The following CSNK2A1 variants were observed in gnomAD, a reference collection of about 807,000 sequenced individuals.
The protein encoded by CSNK2A1 is casein kinase 2 alpha 1, also known as casein kinase II subunit alpha.
In CSNK2A1, 10 loss-of-function variants were observed where a neutral mutation model predicts 62.9. That is an observed-to-expected ratio of 0.16 (90% CI 0.10 to 0.27). The LOEUF is 0.27. Among genes scored for constraint, CSNK2A1 ranks in the 10% least tolerant of loss-of-function variants. The pLI, the probability that CSNK2A1 is intolerant of heterozygous loss-of-function variation, is 1.00. For missense variants in CSNK2A1, 160 were observed against 492.0 expected, an observed-to-expected ratio of 0.33 and a Z score of 6.38; for synonymous variants, 124 against 167.8, an observed-to-expected ratio of 0.74 and a Z score of 2.02.
intron 2 of CSNK2A1, among the ~76,000 whole-genome samples, chr20:510,752 T>C (rs961479586): frequency 4.6e-5 from 7 of 152,180 alleles, no homozygotes; most frequent in Non-Finnish European, 1.0e-4. Flanking sequence ...GGTCTCCCTC[T>C]GTAGGCCAGG....
rs534424786 is a variant in CSNK2A1 at position 531,180 on chromosome 20, T to A, written c.-226-3131A>T. 1.8e-4 allele frequency among the ~76,000 whole-genome samples: 28 copies of A among 152,182 alleles called. No homozygotes were observed. The East Asian group carries it at 3.5e-3, about 19-fold the overall frequency. On this transcript the variant is annotated intron_variant, in intron 1 of 13. Transcript: ENST00000217244. ...GACAGTTACCAAAATTAAAAAAAAA[T>A]TTAACTTTCTATTTCTTAAAAGAAA... is the stretch of plus-strand genomic sequence containing the variant.
chr20:497,807 G>T, intron 6 of CSNK2A1, 27 bp from the exon 7 acceptor site: 1 of 1,601,938 alleles, frequency 6.2e-7, no homozygotes, highest in South Asian at 1.1e-5. Flanking sequence ...TTTGAGCCAT[G>T]AAATAATGCT....
intron 13 of CSNK2A1, among the ~76,000 whole-genome samples, chr20:484,483 TTAAA>T (rs2018023129): frequency 1.3e-5 from 2 of 152,164 alleles, no homozygotes; most frequent in South Asian, 4.1e-4. Context: ...TCAATTGTAA[TTAAA>T]TAGCCTCACG....
In CSNK2A1 at chr20:491,316, A is replaced by T. The variant is rs553450657; in HGVS notation, c.621+938T>A. Among the ~76,000 whole-genome samples the T allele has an allele frequency of 2.6e-5, 4 of 152,312 alleles. No individual in the cohort carries two copies. The East Asian group carries it at 5.8e-4, about 22-fold the overall frequency. On this transcript the variant is annotated intron_variant, in intron 9 of 13. Coordinates refer to ENST00000217244, the MANE Select transcript of CSNK2A1 (RefSeq NM_177559.3). ...AGCTGGGGAGAAGACCTTTTTATTT[A>T]GTATACAATTCAGAAGAACAAGAAA...
At chr20:494,453 C>G (rs1055745512) in intron 8 of CSNK2A1, 3 of 152,152 alleles carry the variant, frequency 2.0e-5, no homozygotes, top group African/African-American at 7.2e-5. Flanking sequence ...TTTAGCTTTT[C>G]AAGAAACCAA....
intron 1 of CSNK2A1, among the ~76,000 whole-genome samples, chr20:528,890 G>A: frequency 6.6e-6 from 1 of 152,168 alleles, no homozygotes; most frequent in East Asian, 1.9e-4. Flanking sequence ...TAGATTCACA[G>A]CCTATTCTTC....
At chr20:503,378 TG>T (rs1219737194) in intron 4 of CSNK2A1, 1 of 396,008 alleles carries the variant, frequency 2.5e-6, no homozygotes, top group Non-Finnish European at 4.4e-6. Context: ...GTCACCCACA[TG>T]TTTTGATTTC....
intron 2 of CSNK2A1, among the ~76,000 whole-genome samples, chr20:518,697 C>A (rs1297917468): frequency 6.8e-6 from 1 of 147,320 alleles, no homozygotes; most frequent in Non-Finnish European, 1.5e-5. Flanking sequence ...CAGGAGTCCG[C>A]CACCACGCCC....
At chr20:540,921 A>G (rs1021641250) in intron 1 of CSNK2A1, 1 of 152,222 alleles carries the variant, frequency 6.6e-6, no homozygotes, top group African/African-American at 2.4e-5. Flanking sequence ...TCAAGGTTGC[A>G]TTCCTTGGTG....
intron 2 of CSNK2A1, among the ~76,000 whole-genome samples, chr20:511,007 C>T (rs1480653425): frequency 2.6e-5 from 4 of 152,120 alleles, no homozygotes; most frequent in Non-Finnish European, 4.4e-5. Context: ...TAGGAGTGAT[C>T]CACCATACCC....
At chr20:511,108 G>A (rs1481222359) in intron 2 of CSNK2A1, among the ~76,000 whole-genome samples, 1 of 152,090 alleles carries the variant, frequency 6.6e-6, no homozygotes, top group African/African-American at 2.4e-5. Context: ...GGAGGCTTAA[G>A]AGGGTGGATC....
intron 3 of CSNK2A1, chr20:505,925 A>C (rs1348682022): frequency 8.2e-6 from 1 of 121,804 alleles, no homozygotes; most frequent in Non-Finnish European, 1.6e-5. Context: ...CCCAGGCTGG[A>C]GTGCAGTGGC....
At chr20:521,864 C>A (rs935667762) in intron 2 of CSNK2A1, among the ~76,000 whole-genome samples, 2 of 152,168 alleles carry the variant, frequency 1.3e-5, no homozygotes, top group Admixed American at 1.3e-4. Flanking sequence ...GCTAGGATTA[C>A]AGGTGTGAGC....
Position 498,308 on chromosome 20 carries a change from T to G in CSNK2A1, c.367-528A>C, listed in dbSNP as rs2018386420. On this transcript the variant is annotated intron_variant, in intron 6 of 13. Coordinates refer to ENST00000217244, the MANE Select transcript of CSNK2A1 (RefSeq NM_177559.3). Reference sequence around the variant, plus strand: ...GTATCCTTTCCAGTTTCCAAAGAGTTGCAGAATGTTTTTTACATGGACATA... The same window carrying G: ...GTATCCTTTCCAGTTTCCAAAGAGTGGCAGAATGTTTTTTACATGGACATA... 2.0e-5 allele frequency: 3 copies of G among 152,186 alleles called. No individual in the cohort carries two copies. In the South Asian group the frequency reaches 6.2e-4, roughly 31 times the overall value. The allele number at this position is 152,186 out of a possible 1,614,324, so 9.4% of individuals were successfully genotyped here. A position where few individuals can be genotyped will look rare whatever the true frequency, so the allele number is the denominator to read the frequency against.
intron 2 of CSNK2A1, among the ~76,000 whole-genome samples, chr20:513,037 T>C (rs1392532896): frequency 6.6e-6 from 1 of 152,166 alleles, no homozygotes. Context: ...GAGAAAGGTG[T>C]AGGTGTGAAT....
chr20:487,909 T>C, intron 11 of CSNK2A1: 1 of 335,966 alleles, frequency 3.0e-6, no homozygotes, highest in Non-Finnish European at 5.6e-6. Flanking sequence ...CCACACATAT[T>C]CCTGGCATCT....
At position 474,585 on chromosome 20, in the gene CSNK2A1, GCTA is replaced by G. The variant is rs2017810911; in HGVS notation, c.*9373_*9375del. 6.6e-6 allele frequency: 1 copy of G among 152,176 alleles called. No individual in the cohort carries two copies. Among genetic ancestry groups the G allele is most frequent in the Non-Finnish European group, 1.5e-5 (1 of 68,028 alleles). The allele number at this position is 152,176 out of a possible 1,614,324, so 9.4% of individuals were successfully genotyped here. On this transcript the variant is annotated 3_prime_UTR_variant, in exon 14 of 14. Coordinates refer to ENST00000217244, the MANE Select transcript of CSNK2A1 (RefSeq NM_177559.3). Reference sequence around the variant, plus strand: ...AAATATAGTTTTAAAAGTAAATACTGCTACTATCTTAACAATAATTTAAAAAAT... The same window carrying G: ...AAATATAGTTTTAAAAGTAAATACTGCTATCTTAACAATAATTTAAAAAAT...
rs530057695 is a variant in CSNK2A1 at position 479,707 on chromosome 20, T to C, written c.*4254A>G. ...AAAGTCTAGGAAGTACTTATTTACA[T>C]AGGATTGAGTCCAGAACATCTTGTG... On this transcript the variant is annotated 3_prime_UTR_variant, in exon 14 of 14. Transcript: ENST00000217244. 7.2e-5 allele frequency: 11 copies of C among 152,228 alleles called. No individual in the cohort carries two copies. Among genetic ancestry groups the C allele is most frequent in the Non-Finnish European group, 1.0e-4 (7 of 68,038 alleles). The allele number at this position is 152,228 out of a possible 1,614,324, so 9.4% of individuals were successfully genotyped here. A position where few individuals can be genotyped will look rare whatever the true frequency, so the allele number is the denominator to read the frequency against.
At chr20:485,570 C>T (rs542067950) in intron 13 of CSNK2A1, among the ~76,000 whole-genome samples, 59 of 152,346 alleles carry the variant, frequency 3.9e-4, no homozygotes, top group African/African-American at 1.4e-3. Flanking sequence ...GGCTGCACCA[C>T]ATTCCATTAA....
Sources: allele counts gnomAD v4.1 joint callset (sites outside exome capture counted in the v4.1 genomes callset), GRCh38; gene constraint gnomAD v4.1.1; transcripts MANE v1.5; gene names NCBI Gene and HGNC (gene_info 2026-07-23, HGNC 2026-07-21).